PYCR3: variants seen among roughly 807,000 people sequenced by gnomAD.
PYCR3 encodes P5C reductase 3.
A neutral mutation model predicts 23.4 loss-of-function variants in PYCR3; 26 were observed. That is an observed-to-expected ratio of 1.11 (90% CI 0.81 to 1.54). The LOEUF (loss-of-function observed/expected upper bound fraction) is 1.54. PYCR3 is among the 40% of genes most tolerant of loss of function. PYCR3 has a pLI of 0.00. For missense variants in PYCR3, 360 were observed against 376.3 expected, an observed-to-expected ratio of 0.96 and a Z score of 0.36; for synonymous variants, 194 against 162.6, an observed-to-expected ratio of 1.19 and a Z score of -1.47.
rs1363742889 is a variant in PYCR3 at position 143,604,122 on chromosome 8, G to A, written c.*1578C>T. 1.3e-5 allele frequency: 2 copies of A among 152,150 alleles called. No homozygotes were observed. The highest frequency in any genetic ancestry group is 4.8e-5 in the African/African-American group (2 of 41,424). The allele number at this position is 152,150 out of a possible 1,614,324, so 9.4% of individuals were successfully genotyped here. A position where few individuals can be genotyped will look rare whatever the true frequency, so the allele number is the denominator to read the frequency against. On this transcript the variant is annotated 3_prime_UTR_variant, in exon 6 of 6. Transcript: ENST00000495276. ...TTGGTCAGGTTGGTCTCAAACTCCT[G>A]ACTTTGTGATCTGCCCGCCTCGGCC...
chr8:143,607,473 T>C (rs552454826), intron 2 of PYCR3, among the ~76,000 whole-genome samples: 3 of 151,576 alleles, frequency 2.0e-5, no homozygotes, highest in Non-Finnish European at 4.4e-5. Flanking sequence ...CTCACGAGCA[T>C]ACATACACAT....
rs1829335800 is a variant in PYCR3, at chr8:143,604,506, C to G, written c.*1194G>C. On this transcript the variant is annotated 3_prime_UTR_variant, in exon 6 of 6. Transcript: ENST00000495276. ...TTTTGCACTGGTGGATTGATCTGCTCAGGCGCACAGGGAGATGGCACAGCA... is the reference window on the plus strand; with the variant it reads ...TTTTGCACTGGTGGATTGATCTGCTGAGGCGCACAGGGAGATGGCACAGCA... 3.6e-6 allele frequency: 1 copy of G among 280,500 alleles called. No individual in the cohort carries two copies. Among genetic ancestry groups the G allele is most frequent in the South Asian group, 3.2e-5 (1 of 31,564 alleles). The allele number at this position is 280,500 out of a possible 1,614,324, so 17.4% of individuals were successfully genotyped here.
chr8:143,607,267 C>A (rs1208561994), intron 2 of PYCR3, 135 bp from the exon 3 acceptor site: 2 of 827,612 alleles, frequency 2.4e-6, no homozygotes, highest in South Asian at 1.9e-5. Flanking sequence ...CTAGACCACC[C>A]CGACTTCTCC....
chr8:143,607,944 T>G, intron 2 of PYCR3, 118 bp downstream of exon 2: 1 of 771,966 alleles, frequency 1.3e-6, no homozygotes, highest in Non-Finnish European at 2.2e-6. Flanking sequence ...CCAGCCAGTC[T>G]GCAAACTTCA....
chr8:143,606,325 G>T, intron 4 of PYCR3, 142 bp downstream of exon 4: 1 of 1,090,678 alleles, frequency 9.2e-7, no homozygotes, highest in Non-Finnish European at 1.3e-6. Flanking sequence ...AAGTCCCGGG[G>T]ACAAGCAGAG....
intron 4 of PYCR3, 48 bp downstream of exon 4, chr8:143,606,419 C>T: frequency 6.3e-7 from 1 of 1,578,978 alleles, no homozygotes; most frequent in Non-Finnish European, 8.7e-7. Context: ...TGGGGTGGGC[C>T]CCCTCTTTGC....
chr8:143,607,988 G>T, intron 2 of PYCR3, 74 bp downstream of exon 2: 1 of 1,132,962 alleles, frequency 8.8e-7, no homozygotes, highest in Non-Finnish European at 1.3e-6. Flanking sequence ...GCTCTGATAA[G>T]TGTCTTAGTG....
rs146176332 is a variant in PYCR3, at chr8:143,606,774, G to A, written c.337-95C>T. On this transcript the variant is annotated intron_variant, in intron 3 of 5. Coordinates refer to ENST00000495276, the MANE Select transcript of PYCR3 (RefSeq NM_023078.6). ...CCTCAGGAAAGGTCCACGTCAGCTC[G>A]CGGTGGGCTCCAGCGTCTGCCTCCC... 685 of 1,377,136 alleles carry A rather than the reference G, an allele frequency of 5.0e-4. 9 individuals are homozygous for A. The East Asian group carries it at 0.017, about 33-fold the overall frequency. The allele number at this position is 1,377,136 out of a possible 1,614,324, so 85.3% of individuals were successfully genotyped here.
intron 1 of PYCR3, 80 bp from the exon 2 acceptor site, chr8:143,608,206 C>A (rs903649940): frequency 1.7e-6 from 2 of 1,195,398 alleles, no homozygotes; most frequent in Non-Finnish European, 2.5e-6. Context: ...GCTCACTTGG[C>A]CTCTCAGGCT....
In PYCR3 at chr8:143,607,164, G is replaced by C. The variant is rs199608292; in HGVS notation, c.157-32C>G. ...CAGGGACACCAGGACCAAGCCTCAG[G>C]GGCCATGTAAGCGGCGCACCCTCTC... On this transcript the variant is annotated intron_variant, in intron 2 of 5. Transcript: ENST00000495276. 2.7e-4 allele frequency: 408 copies of C among 1,510,322 alleles called. 1 individual carries two copies. The African/African-American group carries it at 5.0e-3, about 19-fold the overall frequency. The allele number at this position is 1,510,322 out of a possible 1,614,324, so 93.6% of individuals were successfully genotyped here.
rs1401068772 is a variant in PYCR3 at position 143,609,571 on chromosome 8, C to A, written c.-23G>T. On this transcript the variant is annotated 5_prime_UTR_variant, in exon 1 of 6. Transcript: ENST00000495276. Reference sequence around the variant, plus strand: ...CATCTTGTTGCCTCGGACGCCGCTGCGCTCACCGCCCATCCACAGGCCGCG... The same window carrying A: ...CATCTTGTTGCCTCGGACGCCGCTGAGCTCACCGCCCATCCACAGGCCGCG... The A allele has an allele frequency of 1.4e-6, 2 of 1,476,592 alleles. No individual in the cohort carries two copies. The highest frequency in any genetic ancestry group is 1.3e-5 in the South Asian group (1 of 76,492). 91.5% of individuals were successfully genotyped at this position (1,476,592 alleles called of 1,614,324 possible).
chr8:143,607,984 A>G (rs1829449965), intron 2 of PYCR3, 78 bp downstream of exon 2: 12 of 1,107,990 alleles, frequency 1.1e-5, no homozygotes, highest in South Asian at 3.9e-5. Context: ...CCTGGCTCTG[A>G]TAAGTGTCTT....
intron 1 of PYCR3, among the ~76,000 whole-genome samples, chr8:143,609,030 C>A (rs984847493): frequency 3.3e-5 from 5 of 152,378 alleles, no homozygotes; most frequent in African/African-American, 1.2e-4. Flanking sequence ...CTCCTCCCCC[C>A]ACCCAGGGGA....
At chr8:143,608,823 T>C (rs775528135) in intron 1 of PYCR3, 14 of 456,482 alleles carry the variant, frequency 3.1e-5, no homozygotes, top group African/African-American at 2.2e-4. Flanking sequence ...CTCCTGAGAC[T>C]CATAGTAAGC....
In PYCR3 at chr8:143,606,857, G is replaced by T. The variant is rs962871119; in HGVS notation, c.336+96C>A. 3.5e-6 allele frequency: 5 copies of T among 1,431,990 alleles called. No homozygotes were observed. In the Middle Eastern group the frequency reaches 5.7e-4, roughly 164 times the overall value. The allele number at this position is 1,431,990 out of a possible 1,614,324, so 88.7% of individuals were successfully genotyped here. On this transcript the variant is annotated intron_variant, in intron 3 of 5. Transcript: ENST00000495276. Reference sequence around the variant, plus strand: ...GCCACTTGATCCAGGTGGGCCACACGGCCACCTCTCAGGCTCTCTGGGGGG... The same window carrying T: ...GCCACTTGATCCAGGTGGGCCACACTGCCACCTCTCAGGCTCTCTGGGGGG...
Position 143,605,796 on chromosome 8 carries a change from A to G in PYCR3, c.729T>C (p.Tyr243=), listed in dbSNP as rs2131397705. The G allele has an allele frequency of 6.2e-7, 1 of 1,612,342 alleles. No individual in the cohort carries two copies. Residue 243 remains tyrosine, a synonymous_variant, in exon 6 of 6, where the codon TAT becomes TAC. Transcript: ENST00000495276. Reference sequence around the variant, plus strand: ...CGCCCTGCTCCAGGGCGTGGAGTCCATAGATGGTGGTGCCACCCGGGGTGC... The same window carrying G: ...CGCCCTGCTCCAGGGCGTGGAGTCCGTAGATGGTGGTGCCACCCGGGGTGC... ...DVCTPGGTTI[Y]GLHALEQGGL... is the part of the protein sequence containing the mutation.
chr8:143,607,158 C>G, intron 2 of PYCR3, 26 bp from the exon 3 acceptor site: 2 of 1,515,498 alleles, frequency 1.3e-6, no homozygotes, highest in Non-Finnish European at 1.8e-6. Context: ...CAGGACCAAG[C>G]CTCAGGGGCC....
Position 143,603,220 on chromosome 8 carries a change from G to A in PYCR3, c.*2480C>T, listed in dbSNP as rs1829297917. 3 of 152,204 alleles carry A rather than the reference G, an allele frequency of 2.0e-5. No individual in the cohort carries two copies. The South Asian group carries it at 6.2e-4, about 32-fold the overall frequency. The allele number at this position is 152,204 out of a possible 1,614,324, so 9.4% of individuals were successfully genotyped here. Reference sequence around the variant, plus strand: ...TAAAGGCTGGACATGTCCACTTCATGAGCATCCCTGTTTTGAAGTCTTATT... The same window carrying A: ...TAAAGGCTGGACATGTCCACTTCATAAGCATCCCTGTTTTGAAGTCTTATT... On this transcript the variant is annotated 3_prime_UTR_variant, in exon 6 of 6. Coordinates refer to ENST00000495276, the MANE Select transcript of PYCR3 (RefSeq NM_023078.6).
At chr8:143,606,703 AG>A (rs746494048) in intron 3 of PYCR3, 24 bp from the exon 4 acceptor site, 1 of 1,563,704 alleles carries the variant, frequency 6.4e-7, no homozygotes, top group Admixed American at 1.9e-5. Flanking sequence ...GGTCAGAATC[AG>A]GGAGTCTGTA....
Sources: allele counts gnomAD v4.1 joint callset (sites outside exome capture counted in the v4.1 genomes callset), GRCh38; gene constraint gnomAD v4.1.1; transcripts MANE v1.5; gene names NCBI Gene and HGNC (gene_info 2026-07-23, HGNC 2026-07-21).